Variants in PTPRB observed in about 807,000 individuals in gnomAD.
PTPRB encodes the protein receptor-type tyrosine-protein phosphatase beta.
In PTPRB, 97 loss-of-function variants were observed where a neutral mutation model predicts 238.1. The ratio of observed to expected loss-of-function variants is 0.41; its 90% confidence interval spans 0.35 to 0.48. PTPRB has a LOEUF of 0.48. Among genes scored for constraint, PTPRB ranks in the 20% least tolerant of loss-of-function variants. PTPRB has a pLI of 0.30. For synonymous variants in PTPRB, 970 were observed against 995.4 expected, an observed-to-expected ratio of 0.97 and a Z score of 0.48; for missense variants, 2,292 against 2,681.9, an observed-to-expected ratio of 0.85 and a Z score of 3.21.
intron 9 of PTPRB, among the ~76,000 whole-genome samples, chr12:70,586,011 G>A (rs1881870956): frequency 6.6e-6 from 1 of 152,172 alleles, no homozygotes; most frequent in South Asian, 2.1e-4. Flanking sequence ...ATTCTGTGGT[G>A]TAATATGTGC....
rs897656115 is a variant in PTPRB, at chr12:70,522,262, A to G, written c.6626-751T>C. ...CAAAGAAAGATTATCTGATTTATAG[A>G]GAGATACCAGTCCACATGGCAAGGA... On this transcript the variant is annotated intron_variant, in intron 33 of 33. Transcript: ENST00000334414. Among the ~76,000 whole-genome samples the G allele has an allele frequency of 2.6e-5, 4 of 152,160 alleles. No homozygotes were observed. In the South Asian group the frequency reaches 8.3e-4, roughly 32 times the overall value.
chr12:70,601,798 T>C (rs1464845578), intron 4 of PTPRB, among the ~76,000 whole-genome samples: 4 of 145,722 alleles, frequency 2.7e-5, no homozygotes, highest in Non-Finnish European at 4.5e-5. Flanking sequence ...TTCTTTTTTT[T>C]TTTTTTTTTT....
chr12:70,598,854 G>T (rs576355787), intron 4 of PTPRB, among the ~76,000 whole-genome samples: 1 of 152,238 alleles, frequency 6.6e-6, no homozygotes, highest in Admixed American at 6.5e-5. Context: ...AAATTTTAAG[G>T]TTGCGTGTCT....
intron 29 of PTPRB, among the ~76,000 whole-genome samples, chr12:70,535,261 T>A: frequency 6.7e-6 from 1 of 149,930 alleles, no homozygotes; most frequent in Non-Finnish European, 1.5e-5. Context: ...CCCCTCAGCA[T>A]TTCAGTTCCA....
At chr12:70,610,704 C>T (rs59749576) in intron 3 of PTPRB, among the ~76,000 whole-genome samples, 23,183 of 152,000 alleles carry the variant, frequency 0.15, 1,902 homozygotes, top group Admixed American at 0.21. Flanking sequence ...TTGTATCCTC[C>T]CTAAATCTTA....
chr12:70,623,077 A>T (rs1885020375), intron 2 of PTPRB, among the ~76,000 whole-genome samples: 1 of 152,138 alleles, frequency 6.6e-6, no homozygotes, highest in Non-Finnish European at 1.5e-5. Context: ...CAGCTTCTCA[A>T]AGCAGGTTTT....
rs981153647 is a variant in PTPRB, at chr12:70,594,270, G to A, written c.1516+197C>T. 3.9e-5 allele frequency among the ~76,000 whole-genome samples: 6 copies of A among 152,308 alleles called. No individual in the cohort carries two copies. The East Asian group carries it at 5.8e-4, about 15-fold the overall frequency. Reference sequence around the variant, plus strand: ...TAATTAACTTTGCCTACTTCAAAATGTTGCCAAGGGCTAGCCTAAACTTTA... The same window carrying A: ...TAATTAACTTTGCCTACTTCAAAATATTGCCAAGGGCTAGCCTAAACTTTA... On this transcript the variant is annotated intron_variant, in intron 6 of 33. Coordinates refer to ENST00000334414, the MANE Select transcript of PTPRB (RefSeq NM_001109754.4).
At position 70,521,367 on chromosome 12, in the gene PTPRB, GATTA is replaced by G; in HGVS notation, c.*118_*121del. 1 of 593,948 alleles carries G rather than the reference GATTA, an allele frequency of 1.7e-6. No individual in the cohort carries two copies. The highest frequency in any genetic ancestry group is 2.7e-6 in the Non-Finnish European group (1 of 369,392). 36.8% of individuals were successfully genotyped at this position (593,948 alleles called of 1,614,324 possible). A position where few individuals can be genotyped will look rare whatever the true frequency, so the allele number is the denominator to read the frequency against. On this transcript the variant is annotated 3_prime_UTR_variant, in exon 34 of 34. Transcript: ENST00000334414. ...TATATAAAATTTTAAACATTCTCCA[GATTA>G]ATAAATTATACATAGTATCAACAGA...
intron 2 of PTPRB, among the ~76,000 whole-genome samples, chr12:70,627,747 A>G (rs1023667827): frequency 1.3e-5 from 2 of 152,196 alleles, no homozygotes; most frequent in African/African-American, 2.4e-5. Context: ...ATATTTAAAA[A>G]TGGTCCACTA....
At chr12:70,571,721 T>C in intron 12 of PTPRB, 103 bp downstream of exon 12, 1 of 1,260,496 alleles carries the variant, frequency 7.9e-7, no homozygotes, top group Non-Finnish European at 1.1e-6. Flanking sequence ...TTACTGGGAA[T>C]GTAATGTACT....
intron 2 of PTPRB, among the ~76,000 whole-genome samples, chr12:70,624,283 T>C (rs1885075871): frequency 6.6e-6 from 1 of 152,192 alleles, no homozygotes; most frequent in African/African-American, 2.4e-5. Flanking sequence ...TATCTGATAT[T>C]CAAATGTAAC....
Position 70,576,401 on chromosome 12 carries a change from G to A in PTPRB, c.2823C>T (p.Ser941=), listed in dbSNP as rs763497780. ...CCTTACCTGTCCGCTCTTGGCTGAA[G>A]GAGTGATTTTCATACTTGCCACTCC... is the stretch of plus-strand genomic sequence containing the variant. ...TTRSGKYENH[S]FSQERTVPDK... is the part of the protein sequence containing the mutation. Residue 941 remains serine (S), a synonymous_variant, in exon 11 of 34, where the codon TCC becomes TCT. Coordinates refer to ENST00000334414, the MANE Select transcript of PTPRB (RefSeq NM_001109754.4). 3 of 1,612,170 alleles carry A rather than the reference G, an allele frequency of 1.9e-6. No individual in the cohort carries two copies. The South Asian group carries it at 3.3e-5, about 18-fold the overall frequency.
Position 70,534,943 on chromosome 12 carries a change from G to C in PTPRB, c.6094C>G (p.His2032Asp). 6.2e-7 allele frequency: 1 copy of C among 1,613,646 alleles called. No individual in the cohort carries two copies. The highest frequency in any genetic ancestry group is 8.5e-7 in the Non-Finnish European group (1 of 1,179,724). The change falls in exon 30 of 34, where the codon CAT becomes GAT. Residue 2032 changes from histidine to aspartate, a missense_variant. This residue lies in a region of PTPRB where 397 missense variants were observed against 502.0 expected (regional missense o/e 0.79). Coordinates refer to ENST00000334414, the MANE Select transcript of PTPRB (RefSeq NM_001109754.4). Reference protein sequence around the residue: ...CVEKGRVKCDHYWPADQDSLY... With the variant: ...CVEKGRVKCDDYWPADQDSLY... ...GAATCCTGGTCCGCTGGCCAGTAATGATCACACTTTACCTAGAACAGGACA... is the reference window on the plus strand; with the variant it reads ...GAATCCTGGTCCGCTGGCCAGTAATCATCACACTTTACCTAGAACAGGACA...
intron 11 of PTPRB, among the ~76,000 whole-genome samples, chr12:70,575,623 A>T (rs928044542): frequency 6.6e-6 from 1 of 152,196 alleles, no homozygotes; most frequent in Admixed American, 6.5e-5. Context: ...AACCTCATGG[A>T]AAAACTGACA....
chr12:70,580,813 C>A (rs1327319528), intron 10 of PTPRB, among the ~76,000 whole-genome samples: 1 of 148,330 alleles, frequency 6.7e-6, no homozygotes. Context: ...AGCGAAATTC[C>A]GTCTCAAAAA....
At chr12:70,534,406 C>G in intron 31 of PTPRB, 82 bp downstream of exon 31, 7 of 1,481,804 alleles carry the variant, frequency 4.7e-6, no homozygotes, top group Non-Finnish European at 5.5e-6. Context: ...CACCAAATTC[C>G]CCATGCTTAT....
chr12:70,563,500 G>T (rs1022936139), intron 15 of PTPRB, among the ~76,000 whole-genome samples: 1 of 152,076 alleles, frequency 6.6e-6, no homozygotes, highest in African/African-American at 2.4e-5. Flanking sequence ...CTCTCCTTTT[G>T]TCAGGCCCTT....
At chr12:70,547,797 G>A (rs898814901) in intron 21 of PTPRB, among the ~76,000 whole-genome samples, 1 of 151,984 alleles carries the variant, frequency 6.6e-6, no homozygotes, top group African/African-American at 2.4e-5. Context: ...GTGAGCCATC[G>A]CGCCCAGCCA....
In PTPRB at chr12:70,587,045, C is replaced by T. The variant is rs1881986664; in HGVS notation, c.2273G>A (p.Gly758Glu). The T allele has an allele frequency of 1.9e-6, 3 of 1,613,680 alleles. No individual in the cohort carries two copies. Among genetic ancestry groups the T allele is most frequent in the Non-Finnish European group, 2.5e-6 (3 of 1,179,730 alleles). Reference sequence around the variant, plus strand: ...TACTGAAGAGGAATTTTTTAAGTCTCCACTAATACTGGTGACTGTAGCCAT... The same window carrying T: ...TACTGAAGAGGAATTTTTTAAGTCTTCACTAATACTGGTGACTGTAGCCAT... ...KYMATVTSISGDLKNSSSVKG... is the reference protein window; with the variant it reads ...KYMATVTSISEDLKNSSSVKG... The change falls in exon 9 of 34, where the codon GGA (glycine) becomes GAA (glutamate). Residue 758 changes from glycine (G) to glutamate (E), a missense_variant. Gly to Glu is a moderately conservative substitution (Grantham distance 98). Transcript: ENST00000334414.
Sources: allele counts gnomAD v4.1 joint callset (sites outside exome capture counted in the v4.1 genomes callset), GRCh38; gene constraint gnomAD v4.1.1; regional missense constraint gnomAD v4.1.1; transcripts MANE v1.5; gene names NCBI Gene and HGNC (gene_info 2026-07-23, HGNC 2026-07-21).